The following SPAG16 variants were observed in gnomAD, a reference collection of about 807,000 sequenced individuals.
The protein encoded by SPAG16 is sperm-associated antigen 16 protein.
SPAG16 carries 86 observed loss-of-function variants against 80.4 expected under a neutral mutation model. The observed-to-expected ratio is 1.07, with a 90% CI of 0.90 to 1.28. The LOEUF is 1.28. Among genes scored for constraint, SPAG16 ranks in the 50% most tolerant of loss-of-function variants. The pLI, the probability that SPAG16 is intolerant of heterozygous loss-of-function variation, is 0.00. For synonymous variants in SPAG16, 294 were observed against 265.9 expected, an observed-to-expected ratio of 1.11 and a Z score of -1.03; for missense variants, 870 against 765.3, an observed-to-expected ratio of 1.14 and a Z score of -1.61.
intron 10 of SPAG16, among the ~76,000 whole-genome samples, chr2:213,589,829 G>C (rs1421024832): frequency 6.6e-6 from 1 of 151,838 alleles, no homozygotes; most frequent in Non-Finnish European, 1.5e-5. Context: ...GGCTGAGGCT[G>C]GGGAATTGCT....
intron 9 of SPAG16, among the ~76,000 whole-genome samples, chr2:213,431,276 A>G (rs1268465365): frequency 6.6e-6 from 1 of 152,162 alleles, no homozygotes; most frequent in East Asian, 1.9e-4. Context: ...ATATTTTGAC[A>G]GTCAGAAAAC....
intron 10 of SPAG16, among the ~76,000 whole-genome samples, chr2:213,491,937 A>G (rs572469898): frequency 6.6e-6 from 1 of 152,334 alleles, no homozygotes; most frequent in Admixed American, 6.5e-5. Flanking sequence ...GGTAAAGGAA[A>G]AATAATCACT....
intron 13 of SPAG16, among the ~76,000 whole-genome samples, chr2:214,076,171 T>C (rs1445678178): frequency 6.6e-6 from 1 of 152,194 alleles, no homozygotes; most frequent in Non-Finnish European, 1.5e-5. Context: ...TCGTTTCTAT[T>C]TGAATTTGGA....
chr2:214,326,860 G>C (rs948037045), intron 15 of SPAG16, among the ~76,000 whole-genome samples: 3 of 150,258 alleles, frequency 2.0e-5, no homozygotes, highest in African/African-American at 7.4e-5. Context: ...CAGGAGAATG[G>C]TGTGAACCCA....
chr2:213,317,988 C>A (rs1368423295), intron 5 of SPAG16: 1 of 152,456 alleles, frequency 6.6e-6, no homozygotes, highest in Non-Finnish European at 1.5e-5. Context: ...ATTCTCTATA[C>A]TGTTTTCCAT....
intron 9 of SPAG16, among the ~76,000 whole-genome samples, chr2:213,426,836 TACACACAC>T (rs199604984): frequency 0.066 from 8,322 of 125,798 alleles, 352 homozygotes; most frequent in East Asian, 0.11. Flanking sequence ...TTCTGATACA[TACACACAC>T]ACACACACAC....
intron 15 of SPAG16, among the ~76,000 whole-genome samples, chr2:214,277,544 C>A (rs1692564206): frequency 6.6e-6 from 1 of 152,166 alleles, no homozygotes; most frequent in African/African-American, 2.4e-5. Flanking sequence ...CAGTCAGGTC[C>A]CTCAGCTGCA....
intron 15 of SPAG16, among the ~76,000 whole-genome samples, chr2:214,396,054 G>A (rs920883679): frequency 6.6e-6 from 1 of 152,134 alleles, no homozygotes; most frequent in African/African-American, 2.4e-5. Flanking sequence ...CCAATAATGG[G>A]ATTGCTGGGT....
chr2:214,381,746 G>C (rs1444919123), intron 15 of SPAG16, among the ~76,000 whole-genome samples: 2 of 152,188 alleles, frequency 1.3e-5, no homozygotes, highest in Non-Finnish European at 2.9e-5. Flanking sequence ...CAAAGTAGTA[G>C]TCAATCTGTT....
intron 12 of SPAG16, among the ~76,000 whole-genome samples, chr2:213,980,957 G>A (rs2045717975): frequency 6.6e-6 from 1 of 151,708 alleles, no homozygotes; most frequent in African/African-American, 2.4e-5. Flanking sequence ...ATCTATGTGG[G>A]TCTTCCTGTA....
chr2:214,302,153 T>C (rs1341322254), intron 15 of SPAG16, among the ~76,000 whole-genome samples: 5 of 152,188 alleles, frequency 3.3e-5, no homozygotes, highest in Admixed American at 2.6e-4. Flanking sequence ...ATACTTGATG[T>C]TATTTTGATT....
At chr2:213,469,895 T>C (rs2072979815) in intron 9 of SPAG16, among the ~76,000 whole-genome samples, 1 of 152,140 alleles carries the variant, frequency 6.6e-6, no homozygotes, top group African/African-American at 2.4e-5. Flanking sequence ...AATCTTAACA[T>C]CCAGTTTAAT....
chr2:213,487,074 C>G (rs2074012724), intron 9 of SPAG16, among the ~76,000 whole-genome samples: 2 of 151,992 alleles, frequency 1.3e-5, no homozygotes, highest in South Asian at 4.1e-4. Context: ...CCTAAGTTCA[C>G]ACTTATATGT....
intron 9 of SPAG16, among the ~76,000 whole-genome samples, chr2:213,424,523 T>C (rs2069789250): frequency 6.6e-6 from 1 of 152,230 alleles, no homozygotes; most frequent in South Asian, 2.1e-4. Flanking sequence ...GCTAATTTAC[T>C]GGAGTTATCT....
chr2:213,421,903 G>A (rs910199795), intron 9 of SPAG16, among the ~76,000 whole-genome samples: 5 of 152,008 alleles, frequency 3.3e-5, no homozygotes, highest in Non-Finnish European at 7.4e-5. Flanking sequence ...GGCTGGAAAC[G>A]CATTGGGCTG....
chr2:213,675,762 A>C (rs1278562000), intron 10 of SPAG16, among the ~76,000 whole-genome samples: 33 of 152,204 alleles, frequency 2.2e-4, no homozygotes, highest in East Asian at 5.8e-4. Context: ...TTTTGGTACC[A>C]GTACCATGCT....
chr2:213,992,082 C>T (rs922844190), intron 12 of SPAG16, among the ~76,000 whole-genome samples: 2 of 152,020 alleles, frequency 1.3e-5, no homozygotes, highest in Non-Finnish European at 2.9e-5. Flanking sequence ...ATTTTTCTTA[C>T]ATTTTATTTT....
intron 10 of SPAG16, among the ~76,000 whole-genome samples, chr2:213,801,923 A>C (rs751483510): frequency 1.3e-5 from 2 of 152,220 alleles, no homozygotes; most frequent in Non-Finnish European, 2.9e-5. Context: ...TCAGGATGAA[A>C]CACTTTATAA....
At chr2:214,268,933 C>T (rs1298589570) in intron 15 of SPAG16, among the ~76,000 whole-genome samples, 2 of 151,944 alleles carry the variant, frequency 1.3e-5, no homozygotes, top group African/African-American at 2.4e-5. Flanking sequence ...GTAAATGTTA[C>T]TAAGTTCTAC....
Sources: allele counts gnomAD v4.1 joint callset (sites outside exome capture counted in the v4.1 genomes callset), GRCh38; gene constraint gnomAD v4.1.1; transcripts MANE v1.5; gene names NCBI Gene and HGNC (gene_info 2026-07-23, HGNC 2026-07-21).